RNF13: variants seen among roughly 807,000 people sequenced by gnomAD.
The protein encoded by RNF13 is ring finger protein 13, also known as E3 ubiquitin-protein ligase RNF13.
RNF13 carries 19 observed loss-of-function variants against 37.7 expected under a neutral mutation model. The ratio of observed to expected loss-of-function variants is 0.50; its 90% confidence interval spans 0.35 to 0.74. The LOEUF (loss-of-function observed/expected upper bound fraction) is 0.74, where lower values mean the gene tolerates loss of function less well. RNF13 is among the 30% of genes least tolerant of loss of function. The pLI, the probability that RNF13 is intolerant of heterozygous loss-of-function variation, is 0.01. For synonymous variants in RNF13, 144 were observed against 157.8 expected, an observed-to-expected ratio of 0.91 and a Z score of 0.65; for missense variants, 375 against 453.0, an observed-to-expected ratio of 0.83 and a Z score of 1.56.
At chr3:149,945,259 G>A (rs903588280) in intron 8 of RNF13, among the ~76,000 whole-genome samples, 5 of 152,094 alleles carry the variant, frequency 3.3e-5, no homozygotes, top group African/African-American at 1.2e-4. Context: ...CTCCAGCTTT[G>A]TTCTTTTGGC....
chr3:149,830,895 G>A (rs923830758), intron 1 of RNF13, among the ~76,000 whole-genome samples: 1 of 152,224 alleles, frequency 6.6e-6, no homozygotes, highest in African/African-American at 2.4e-5. Flanking sequence ...TTGGGACTTG[G>A]TGTCCTGGGT....
chr3:149,862,460 T>A (rs891517117), intron 3 of RNF13, among the ~76,000 whole-genome samples: 27 of 152,268 alleles, frequency 1.8e-4, no homozygotes, highest in African/African-American at 6.5e-4. Context: ...GTATCTTTCC[T>A]ATTTATGTTA....
Position 149,902,070 on chromosome 3 carries a change from A to T in RNF13, c.410-2A>T. The T allele has an allele frequency of 1.5e-6, 2 of 1,319,754 alleles. No individual in the cohort carries two copies. Among genetic ancestry groups the T allele is most frequent in the Non-Finnish European group, 2.1e-6 (2 of 974,326 alleles). The allele number at this position is 1,319,754 out of a possible 1,614,324, so 81.8% of individuals were successfully genotyped here. On this transcript the variant is annotated splice_acceptor_variant, in intron 5 of 9. Transcript: ENST00000392894. LOFTEE classifies it high-confidence loss of function. ...GAATAATTTCATTATTCTTTTATAC[A>T]GTTGAGGTACTAAAGAAAATTGACA...
chr3:149,872,068 C>A lies in RNF13; in HGVS notation c.235C>A (p.Pro79Thr). 1 of 1,607,618 alleles carries A rather than the reference C, an allele frequency of 6.2e-7. No homozygotes were observed. The highest frequency in any genetic ancestry group is 8.5e-7 in the Non-Finnish European group (1 of 1,177,326). ...INSKPENACE[P>T]IVPPPVKDNS... ...CTCAAAACCAGAGAATGCCTGTGAA[C>A]CCATAGTGCCTCCACCAGTAAAAGA... The change falls in exon 4 of 10, where the codon CCC becomes ACC. Residue 79 changes from proline (P) to threonine (T), a missense_variant. Transcript: ENST00000392894.
intron 1 of RNF13, among the ~76,000 whole-genome samples, chr3:149,839,188 C>T (rs1721929639): frequency 1.8e-4 from 1 of 5,438 alleles, no homozygotes; most frequent in Non-Finnish European, 3.9e-4. Flanking sequence ...GTCCATATGA[C>T]TATCAGCATT....
intron 7 of RNF13, among the ~76,000 whole-genome samples, chr3:149,912,313 G>A (rs1366051444): frequency 1.3e-5 from 2 of 152,140 alleles, no homozygotes; most frequent in Admixed American, 1.3e-4. Context: ...ACTGAAAAGA[G>A]TATAAGGGAA....
At chr3:149,942,722 C>T (rs976012625) in intron 8 of RNF13, among the ~76,000 whole-genome samples, 35 of 152,226 alleles carry the variant, frequency 2.3e-4, no homozygotes, top group Admixed American at 7.2e-4. Context: ...CTGGATAGAC[C>T]TCCTAGTACT....
chr3:149,912,920 A>G (rs1717138168), intron 7 of RNF13, among the ~76,000 whole-genome samples: 1 of 152,168 alleles, frequency 6.6e-6, no homozygotes, highest in African/African-American at 2.4e-5. Context: ...GATGTGCAAT[A>G]TCAAAATATT....
chr3:149,934,407 T>G (rs570080315), intron 8 of RNF13, among the ~76,000 whole-genome samples: 3 of 152,088 alleles, frequency 2.0e-5, no homozygotes, highest in Non-Finnish European at 4.4e-5. Flanking sequence ...TTTATTCTTG[T>G]TTTTCTAGTT....
intron 1 of RNF13, among the ~76,000 whole-genome samples, chr3:149,836,428 A>G (rs1568568): frequency 0.7 from 105,975 of 151,868 alleles, 37,560 homozygotes; most frequent in East Asian, 0.9. Flanking sequence ...TAGTATGGCT[A>G]TATGTATATA....
intron 5 of RNF13, among the ~76,000 whole-genome samples, chr3:149,899,481 T>TA (rs200297572): frequency 0.022 from 3,309 of 151,222 alleles, 101 homozygotes; most frequent in African/African-American, 0.072. Flanking sequence ...AATGAATAAA[T>TA]AAAAAAAAAT....
At chr3:149,852,195 C>T (rs929567351) in intron 2 of RNF13, among the ~76,000 whole-genome samples, 13 of 152,132 alleles carry the variant, frequency 8.5e-5, no homozygotes, top group Admixed American at 7.9e-4. Context: ...TGGAACACTC[C>T]TCCTGGAAGA....
intron 1 of RNF13, among the ~76,000 whole-genome samples, chr3:149,841,163 T>G (rs1722141662): frequency 6.6e-6 from 1 of 152,222 alleles, no homozygotes; most frequent in South Asian, 2.1e-4. Context: ...TAAATAATAT[T>G]GCCTAGTAAT....
At chr3:149,946,172 A>G (rs1231546962) in intron 8 of RNF13, among the ~76,000 whole-genome samples, 1 of 152,200 alleles carries the variant, frequency 6.6e-6, no homozygotes, top group Non-Finnish European at 1.5e-5. Context: ...ACCTTGAGAA[A>G]AGATTAGACA....
intron 3 of RNF13, among the ~76,000 whole-genome samples, chr3:149,860,242 A>T (rs1724076827): frequency 7.6e-6 from 1 of 130,866 alleles, no homozygotes. Context: ...TGGGCAACAG[A>T]GAGAGACTCC....
chr3:149,939,322 C>G (rs1720021121), intron 8 of RNF13: 14 of 458,896 alleles, frequency 3.1e-5, no homozygotes, highest in South Asian at 2.4e-4. Context: ...TCTTCTGCAT[C>G]AGCAGCAAGT....
chr3:149,925,038 C>G (rs761531699), intron 8 of RNF13, among the ~76,000 whole-genome samples: 17 of 152,092 alleles, frequency 1.1e-4, no homozygotes, highest in Non-Finnish European at 1.9e-4. Context: ...TAATTTCTCT[C>G]AGGTAGGAAA....
chr3:149,935,166 T>A (rs186634325), intron 8 of RNF13, among the ~76,000 whole-genome samples: 111 of 152,328 alleles, frequency 7.3e-4, no homozygotes, highest in Non-Finnish European at 1.0e-3. Flanking sequence ...GTGTTTGTTG[T>A]TTATTTTATC....
chr3:149,822,686 A>G (rs911305449), intron 1 of RNF13: 12 of 152,094 alleles, frequency 7.9e-5, no homozygotes, highest in African/African-American at 1.9e-4. Flanking sequence ...CACGTTACAT[A>G]TATTTGGTCA....
Sources: gnomAD v4.1 joint callset for allele counts (sites outside exome capture counted in the v4.1 genomes callset) on GRCh38, gnomAD v4.1.1 for gene constraint, MANE v1.5 for transcripts, NCBI Gene and HGNC (gene_info 2026-07-23, HGNC 2026-07-21) for gene names.